The following SLC34A3 variants were observed in gnomAD, a reference collection of about 807,000 sequenced individuals.
SLC34A3 encodes solute carrier family 34 member 3.
Under a neutral mutation model 43.9 loss-of-function variants are expected in SLC34A3, and 60 were observed. That is an observed-to-expected ratio of 1.37 (90% confidence interval 1.11 to 1.70). SLC34A3 has a LOEUF of 1.70. Among genes scored for constraint, SLC34A3 ranks in the 40% most tolerant of loss-of-function variants. The pLI is 0.00. For missense variants in SLC34A3, 969 were observed against 823.8 expected (o/e 1.18, Z -2.16); for synonymous variants, 451 against 386.2 (o/e 1.17, Z -1.97).
Position 137,232,070 on chromosome 9 carries a change from A to G in SLC34A3, c.86-2A>G. On this transcript the variant is annotated splice_acceptor_variant, in intron 2 of 12. Coordinates refer to ENST00000673835, the MANE Select transcript of SLC34A3 (RefSeq NM_001177316.2). LOFTEE classifies it high-confidence loss of function. ...CAGCCGTACTCAATTCTACCTCCAC[A>G]GGGACCTCCAGTTCTGCTCCAGTCT... is the stretch of plus-strand genomic sequence containing the variant. 4 of 1,612,734 alleles carry G rather than the reference A, an allele frequency of 2.5e-6. No individual in the cohort carries two copies. Among genetic ancestry groups the G allele is most frequent in the Middle Eastern group, 1.6e-4 (1 of 6,062 alleles).
chr9:137,234,053 G>GGGGCCC lies in SLC34A3; in HGVS notation c.926-56_926-55insGGGCCC. 6.1e-6 allele frequency: 8 copies of GGGGCCC among 1,302,244 alleles called. No individual in the cohort carries two copies. Among genetic ancestry groups the GGGGCCC allele is most frequent in the Non-Finnish European group, 8.5e-6 (8 of 939,796 alleles). The allele number at this position is 1,302,244 out of a possible 1,614,324, so 80.7% of individuals were successfully genotyped here. A position where few individuals can be genotyped will look rare whatever the true frequency, so the allele number is the denominator to read the frequency against. ...CGGACAGGCTGCCCTGTGAGGCCCG[G>GGGGCCC]CCCACCCCGGCCCACCCCCCAGGCT... On this transcript the variant is annotated intron_variant, in intron 9 of 12. Transcript: ENST00000673835. The surrounding 1 kb of genome is among the most constrained non-coding windows in gnomAD (Gnocchi z 6.9).
At position 137,232,942 on chromosome 9, in the gene SLC34A3, C is replaced by T. The variant is rs1339830040; in HGVS notation, c.448+15C>T. On this transcript the variant is annotated intron_variant, in intron 5 of 12. Coordinates refer to ENST00000673835, the MANE Select transcript of SLC34A3 (RefSeq NM_001177316.2). ...GGCTGCTAAGCGTGGGTGCACACTC[C>T]CTCCCCGGGTGGTGGGGGGGGCAGG... 6.2e-7 allele frequency: 1 copy of T among 1,606,220 alleles called. No individual in the cohort carries two copies.
At chr9:137,232,015 C>T (rs1588840863) in intron 2 of SLC34A3, 57 bp from the exon 3 acceptor site, 16 of 1,529,724 alleles carry the variant, frequency 1.0e-5, no homozygotes, top group African/African-American at 8.2e-5. Context: ...TGCCCTTGTG[C>T]CCCCAGTTGG....
intron 2 of SLC34A3, 134 bp from the exon 3 acceptor site, chr9:137,231,938 C>G (rs1368267794): frequency 3.5e-6 from 4 of 1,134,878 alleles, no homozygotes; most frequent in Admixed American, 3.4e-5. Context: ...GCTGGAGCCC[C>G]ATCTTCCCCG....
Position 137,233,915 on chromosome 9 carries a change from GCA to G in SLC34A3, c.902_903del (p.Thr301SerfsTer291). The G allele has an allele frequency of 6.3e-7, 1 of 1,586,464 alleles. No individual in the cohort carries two copies. Among genetic ancestry groups the G allele is most frequent in the Non-Finnish European group, 8.6e-7 (1 of 1,166,780 alleles). On this transcript the variant is annotated frameshift_variant, in exon 9 of 13. Transcript: ENST00000673835. LOFTEE classifies it high-confidence loss of function. ...TTCGGCCCGTGCACAGAGAAGAACA[GCA>G]CAGCCCCGGCGGACAGGCTGCCCTG...
chr9:137,233,643 A>G lies in SLC34A3; in HGVS notation c.767A>G (p.Asp256Gly). 2 of 1,612,718 alleles carry G rather than the reference A, an allele frequency of 1.2e-6. No individual in the cohort carries two copies. The highest frequency in any genetic ancestry group is 3.3e-5 in the Admixed American group (2 of 60,004). The change falls in exon 8 of 13, where the codon GAC becomes GGC. Residue 256 changes from aspartate (D) to glycine (G), a missense_variant. Coordinates refer to ENST00000673835, the MANE Select transcript of SLC34A3 (RefSeq NM_001177316.2). Reference sequence around the variant, plus strand: ...CCCTCTGGCCCCCAGTTGGACTCCGACATGATCATGAGCAGTGCCACAGGC... The same window carrying G: ...CCCTCTGGCCCCCAGTTGGACTCCGGCATGATCATGAGCAGTGCCACAGGC... ...LTHLIVQLDSDMIMSSATGNA... is the reference protein window; with the variant it reads ...LTHLIVQLDSGMIMSSATGNA...
intron 3 of SLC34A3, 86 bp downstream of exon 3, chr9:137,232,247 C>A: frequency 1.5e-6 from 2 of 1,315,534 alleles, no homozygotes; most frequent in African/African-American, 1.4e-5. Flanking sequence ...GGGGCCTGCC[C>A]AAACAGGCTG....
chr9:137,231,432 T>A (rs1429312991), intron 1 of SLC34A3, among the ~76,000 whole-genome samples: 1 of 151,752 alleles, frequency 6.6e-6, no homozygotes, highest in Non-Finnish European at 1.5e-5. Context: ...CTGGAGCCCC[T>A]TCGAGTCTAC....
chr9:137,233,670 A>G lies in SLC34A3; in HGVS notation c.794A>G (p.Asn265Ser), dbSNP rs1836383962. The part of the protein sequence containing the change: ...SDMIMSSATG[N>S]ATNSSLIKHW... ...ATGATCATGAGCAGTGCCACAGGCA[A>G]CGCCACTAACAGCAGTCTCATTAAG... is the stretch of plus-strand genomic sequence containing the variant. Residue 265 changes from asparagine (N) to serine (S), a missense_variant, in exon 8 of 13, where the codon AAC becomes AGC. Physicochemically the swap from Asn to Ser is conservative, Grantham distance 46 (BLOSUM62 1). Transcript: ENST00000673835. The G allele has an allele frequency of 9.3e-6, 15 of 1,612,720 alleles. No individual in the cohort carries two copies. Among genetic ancestry groups the G allele is most frequent in the Non-Finnish European group, 1.3e-5 (15 of 1,179,948 alleles).
chr9:137,230,654 G>C (rs1836162362), upstream of SLC34A3: 1 of 152,150 alleles, frequency 6.6e-6, no homozygotes, highest in African/African-American at 2.4e-5. Context: ...CCGGTGCCCC[G>C]CCCCGCAGTG....
Position 137,234,638 on chromosome 9 carries a change from C to T in SLC34A3, c.1242C>T (p.Tyr414=), listed in dbSNP as rs949841477. 1 of 1,612,406 alleles carries T rather than the reference C, an allele frequency of 6.2e-7. No homozygotes were observed. Among genetic ancestry groups the T allele is most frequent in the South Asian group, 1.1e-5 (1 of 91,088 alleles). ...GVGVISLDRA[Y]PLLLGSNIGT... ...GGGTGATCAGTCTGGACCGGGCGTA[C>T]CCCCTCTTACTGGGCTCCAACATCG... Residue 414 remains tyrosine (Y), a synonymous_variant, in exon 12 of 13, where the codon TAC becomes TAT. Coordinates refer to ENST00000673835, the MANE Select transcript of SLC34A3 (RefSeq NM_001177316.2). This position sits in a 1 kb window ranked among gnomAD's most constrained non-coding sequence, Gnocchi z 6.9.
At chr9:137,233,779 T>TGGGGGCCCCCCCCCCCCCCCCCC in intron 8 of SLC34A3, 57 bp downstream of exon 8, 1 of 1,445,814 alleles carries the variant, frequency 6.9e-7, no homozygotes, top group Non-Finnish European at 9.6e-7. Context: ...TGCTGAGTCA[T>TGGGGGCCCCCCCCCCCCCCCCCC]CCCGCCCCAC....
rs1054884342 is a variant in SLC34A3 at position 137,236,482 on chromosome 9, G to C, written c.*66G>C. On this transcript the variant is annotated 3_prime_UTR_variant, in exon 13 of 13. Coordinates refer to ENST00000673835, the MANE Select transcript of SLC34A3 (RefSeq NM_001177316.2). ...GGAGGGCTCTGGAGGGCCCTGGAGG[G>C]GGGGTCCCCGCGGCAGCTGACCTCC... is the stretch of plus-strand genomic sequence containing the variant. The C allele has an allele frequency of 1.4e-6, 2 of 1,393,420 alleles. No individual in the cohort carries two copies. Among genetic ancestry groups the C allele is most frequent in the African/African-American group, 1.4e-5 (1 of 69,806 alleles). 86.3% of individuals were successfully genotyped at this position (1,393,420 alleles called of 1,614,324 possible).
Position 137,232,706 on chromosome 9 carries a change from G to A in SLC34A3, c.304+3G>A, listed in dbSNP as rs767710880. 2.5e-6 allele frequency: 4 copies of A among 1,612,814 alleles called. No homozygotes were observed. The highest frequency in any genetic ancestry group is 3.3e-5 in the Admixed American group (2 of 60,012). On this transcript the variant is annotated splice_donor_region_variant and intron_variant, in intron 4 of 12. Coordinates refer to ENST00000673835, the MANE Select transcript of SLC34A3 (RefSeq NM_001177316.2). ...CTCCGCCTTCCAGCTGCTGGGCAGTGAGTGACGGGACGGGTGCCCAGGGCG... is the reference window on the plus strand; with the variant it reads ...CTCCGCCTTCCAGCTGCTGGGCAGTAAGTGACGGGACGGGTGCCCAGGGCG...
Position 137,232,955 on chromosome 9 carries a change from T to TGGG in SLC34A3, c.448+34_448+36dup, listed in dbSNP as rs760921945. 6.5e-6 allele frequency: 7 copies of TGGG among 1,069,966 alleles called. No homozygotes were observed. The East Asian group carries it at 2.2e-4, about 34-fold the overall frequency. 66.3% of individuals were successfully genotyped at this position (1,069,966 alleles called of 1,614,324 possible). On this transcript the variant is annotated intron_variant, in intron 5 of 12. Transcript: ENST00000673835. ...GGGTGCACACTCCCTCCCCGGGTGGTGGGGGGGGCAGGGTGGGCCGCAGGC... is the reference window on the plus strand; with the variant it reads ...GGGTGCACACTCCCTCCCCGGGTGGTGGGGGGGGGGGCAGGGTGGGCCGCAGGC...
rs567606074 is a variant in SLC34A3 at position 137,234,859 on chromosome 9, C to T, written c.1335+128C>T. On this transcript the variant is annotated intron_variant, in intron 12 of 12. Coordinates refer to ENST00000673835, the MANE Select transcript of SLC34A3 (RefSeq NM_001177316.2). The surrounding 1 kb of genome is among the most constrained non-coding windows in gnomAD (Gnocchi z 6.9). ...CGCCTTCCTGGACCCCTTCCCTGGC[C>T]GCCAGCCTCAGCCCTGCTGCTCTGC... The T allele has an allele frequency of 3.7e-5, 52 of 1,418,004 alleles. No individual in the cohort carries two copies. The highest frequency in any genetic ancestry group is 2.3e-4 in the Middle Eastern group (1 of 4,402). The allele number at this position is 1,418,004 out of a possible 1,614,324, so 87.8% of individuals were successfully genotyped here. A position where few individuals can be genotyped will look rare whatever the true frequency, so the allele number is the denominator to read the frequency against.
rs373581939 is a variant in SLC34A3 at position 137,232,615 on chromosome 9, C to T, written c.216C>T (p.Ser72=). 1.2e-5 allele frequency: 19 copies of T among 1,612,230 alleles called. No individual in the cohort carries two copies. In the African/African-American group the frequency reaches 2.0e-4, roughly 17 times the overall value. Residue 72 remains serine (S), a synonymous_variant, in exon 4 of 13, where the codon AGC becomes AGT. Coordinates refer to ENST00000673835, the MANE Select transcript of SLC34A3 (RefSeq NM_001177316.2). ...GCAGGCTGCGCCGCGTGGCCGGCAGCGTCCTCAAGGCCTGCGGGCTCCTCG... is the reference window on the plus strand; with the variant it reads ...GCAGGCTGCGCCGCGTGGCCGGCAGTGTCCTCAAGGCCTGCGGGCTCCTCG... The part of the protein sequence containing the change: ...VAGRLRRVAG[S]VLKACGLLGS...
chr9:137,233,253 C>T lies in SLC34A3; in HGVS notation c.605C>T (p.Thr202Ile), dbSNP rs868077426. Residue 202 changes from threonine to isoleucine, a missense_variant, in exon 7 of 13, where the codon ACA (threonine) becomes ATA (isoleucine). Thr to Ile is a moderately conservative substitution (Grantham distance 89). Coordinates refer to ENST00000673835, the MANE Select transcript of SLC34A3 (RefSeq NM_001177316.2). Reference protein sequence around the residue: ...SAVHGIFNWLTVLVLLPLESA... With the variant: ...SAVHGIFNWLIVLVLLPLESA... The stretch of plus-strand genomic sequence containing the variant: ...GTGCACGGGATCTTCAACTGGCTCA[C>T]AGTGCTGGTCCTGCTGCCACTGGAG... 33 of 1,579,444 alleles carry T rather than the reference C, an allele frequency of 2.1e-5. No individual in the cohort carries two copies. The highest frequency in any genetic ancestry group is 2.6e-5 in the Non-Finnish European group (30 of 1,162,846).
At position 137,233,342 on chromosome 9, in the gene SLC34A3, A is replaced by G. The variant is rs765639537; in HGVS notation, c.694A>G (p.Arg232Gly). The change falls in exon 7 of 13, where the codon AGG becomes GGG. Residue 232 changes from arginine (R) to glycine (G), a missense_variant. Transcript: ENST00000673835. ...CCTGGGTGCCGCCAGCCTGACACCC[A>G]GGGCGCAGGCGCCCGACATCCTCAA... ...LALGAASLTP[R>G]AQAPDILKVL... is the part of the protein sequence containing the mutation. 40 of 1,605,520 alleles carry G rather than the reference A, an allele frequency of 2.5e-5. No individual in the cohort carries two copies. The highest frequency in any genetic ancestry group is 3.1e-5 in the Non-Finnish European group (36 of 1,177,044).
Sources: allele counts gnomAD v4.1 joint callset (sites outside exome capture counted in the v4.1 genomes callset), GRCh38; gene constraint gnomAD v4.1.1; non-coding constraint Gnocchi (gnomAD v3.1); transcripts MANE v1.5; gene names NCBI Gene and HGNC (gene_info 2026-07-23, HGNC 2026-07-21).